DCC: variants seen among roughly 807,000 people sequenced by gnomAD.
DCC encodes the protein DCC netrin 1 receptor, also known as netrin receptor DCC.
Under a neutral mutation model 172.5 loss-of-function variants are expected in DCC, and 58 were observed. That is an observed-to-expected ratio of 0.34 (90% CI 0.27 to 0.42). DCC has a LOEUF of 0.42. DCC is among the 10% of genes least tolerant of loss of function. DCC has a pLI of 1.00. For synonymous variants in DCC, 709 were observed against 644.5 expected (o/e 1.10, Z -1.52); for missense variants, 1,740 against 1,791.0 (o/e 0.97, Z 0.51).
At chr18:52,963,653 A>G (rs1380141765) in intron 5 of DCC, among the ~76,000 whole-genome samples, 1 of 152,062 alleles carries the variant, frequency 6.6e-6, no homozygotes, top group African/African-American at 2.4e-5. Context: ...ATGGAAATGC[A>G]CAGGGAAAAA....
intron 14 of DCC, among the ~76,000 whole-genome samples, chr18:53,329,650 C>T (rs1409235345): frequency 6.6e-6 from 1 of 152,020 alleles, no homozygotes; most frequent in Non-Finnish European, 1.5e-5. Flanking sequence ...AAAAACTGAT[C>T]ATTATTACAT....
chr18:52,926,913 G>A (rs199839804), intron 5 of DCC, among the ~76,000 whole-genome samples: 70 of 14,080 alleles, frequency 5.0e-3, no homozygotes, highest in Admixed American at 0.017. Context: ...GTATATATAC[G>A]TATACATATA....
At chr18:52,382,375 GACTAAT>G (rs1347080822) in intron 1 of DCC, among the ~76,000 whole-genome samples, 1 of 151,948 alleles carries the variant, frequency 6.6e-6, no homozygotes, top group African/African-American at 2.4e-5. Context: ...TACATGCAGT[GACTAAT>G]ACTTTTGTTA....
chr18:53,002,606 C>CT (rs575217899), intron 5 of DCC, among the ~76,000 whole-genome samples: 5 of 151,868 alleles, frequency 3.3e-5, no homozygotes, highest in African/African-American at 1.2e-4. Flanking sequence ...TGCATCATTC[C>CT]TTTTTTTTCC....
intron 2 of DCC, among the ~76,000 whole-genome samples, chr18:52,815,063 G>A (rs956664968): frequency 3.3e-5 from 5 of 152,274 alleles, no homozygotes; most frequent in Admixed American, 6.5e-5. Flanking sequence ...ATCAAACGGG[G>A]TGGGCTGGGG....
chr18:52,470,977 C>G (rs1988929905), intron 1 of DCC, among the ~76,000 whole-genome samples: 1 of 152,192 alleles, frequency 6.6e-6, no homozygotes, highest in East Asian at 1.9e-4. Flanking sequence ...CCTCGAAGTA[C>G]TGAGGCAATC....
At chr18:52,969,864 T>A (rs1440635039) in intron 5 of DCC, among the ~76,000 whole-genome samples, 1 of 152,138 alleles carries the variant, frequency 6.6e-6, no homozygotes, top group African/African-American at 2.4e-5. Context: ...TCTTGCCTTG[T>A]GTGTAGCAGG....
intron 5 of DCC, among the ~76,000 whole-genome samples, chr18:52,949,487 ATTAT>A (rs1226740212): frequency 1.3e-5 from 2 of 152,182 alleles, no homozygotes; most frequent in Non-Finnish European, 2.9e-5. Context: ...TATGTTTTCC[ATTAT>A]TTGTACTTCC....
At chr18:52,790,349 C>A (rs1393040586) in intron 2 of DCC, among the ~76,000 whole-genome samples, 3 of 152,260 alleles carry the variant, frequency 2.0e-5, no homozygotes, top group Non-Finnish European at 4.4e-5. Flanking sequence ...AGACTAACCT[C>A]ACAAATCCCT....
intron 22 of DCC, among the ~76,000 whole-genome samples, chr18:53,437,628 G>A (rs558187411): frequency 1.4e-5 from 2 of 146,836 alleles, no homozygotes; most frequent in Admixed American, 1.4e-4. Context: ...GAAGGTGAGA[G>A]GAGGGACTTG....
chr18:52,778,866 AATTTT>A (rs2037481293), intron 2 of DCC, among the ~76,000 whole-genome samples: 1 of 152,174 alleles, frequency 6.6e-6, no homozygotes, highest in African/African-American at 2.4e-5. Context: ...ATAGGGTTGT[AATTTT>A]ATTTTACCTT....
intron 1 of DCC, among the ~76,000 whole-genome samples, chr18:52,680,469 A>G (rs2035728399): frequency 6.6e-6 from 1 of 152,108 alleles, no homozygotes; most frequent in Non-Finnish European, 1.5e-5. Flanking sequence ...CCTTTGTCGT[A>G]TGTTCTCTCG....
intron 27 of DCC, among the ~76,000 whole-genome samples, chr18:53,525,866 C>G (rs569051725): frequency 6.6e-6 from 1 of 152,010 alleles, no homozygotes; most frequent in Non-Finnish European, 1.5e-5. Flanking sequence ...TTCAATAAGC[C>G]TTTATGAAAG....
At chr18:52,606,755 G>A (rs991595755) in intron 1 of DCC, among the ~76,000 whole-genome samples, 1 of 152,096 alleles carries the variant, frequency 6.6e-6, no homozygotes, top group African/African-American at 2.4e-5. Context: ...ACTGGCTCAG[G>A]ACTTTGCAGA....
chr18:53,036,768 G>T (rs2042098808), intron 5 of DCC, among the ~76,000 whole-genome samples: 1 of 152,016 alleles, frequency 6.6e-6, no homozygotes, highest in South Asian at 2.1e-4. Flanking sequence ...AAATTGAAAT[G>T]GAAAAGGAAG....
At chr18:52,652,711 AGTGTGTGTGT>A (rs71175513) in intron 1 of DCC, among the ~76,000 whole-genome samples, 2 of 143,342 alleles carry the variant, frequency 1.4e-5, no homozygotes, top group Non-Finnish European at 3.0e-5. Flanking sequence ...ACTGCAATAA[AGTGTGTGTGT>A]GTGTGTGTGT....
At chr18:53,247,502 T>A (rs896925529) in intron 12 of DCC, among the ~76,000 whole-genome samples, 7 of 152,014 alleles carry the variant, frequency 4.6e-5, no homozygotes, top group Non-Finnish European at 8.8e-5. Flanking sequence ...GGAAAGAGCA[T>A]AGGAGAGTCT....
At position 52,382,815 on chromosome 18, in the gene DCC, G is replaced by A. The variant is rs373212037; in HGVS notation, c.91+41937G>A. ...GCTTGATTCCATTGTTACATAACTC[G>A]TACCTGTAATACTCAGGTGCCTGTG... is the stretch of plus-strand genomic sequence containing the variant. On this transcript the variant is annotated intron_variant, in intron 1 of 28. Coordinates refer to ENST00000442544, the MANE Select transcript of DCC (RefSeq NM_005215.4). 1.2e-4 allele frequency among the ~76,000 whole-genome samples: 19 copies of A among 152,150 alleles called. 1 individual carries two copies. The highest frequency in any genetic ancestry group is 2.6e-4 in the Non-Finnish European group (18 of 67,976).
chr18:53,314,935 C>A (rs541624336), intron 13 of DCC, among the ~76,000 whole-genome samples: 15 of 152,108 alleles, frequency 9.9e-5, no homozygotes, highest in Non-Finnish European at 1.3e-4. Context: ...GAAATACTTA[C>A]AATACACTAG....
Sources: allele counts gnomAD v4.1 joint callset (sites outside exome capture counted in the v4.1 genomes callset), GRCh38; gene constraint gnomAD v4.1.1; transcripts MANE v1.5; gene names NCBI Gene and HGNC (gene_info 2026-07-23, HGNC 2026-07-21).